GRM8: variants seen among roughly 807,000 people sequenced by gnomAD.
GRM8 encodes glutamate metabotropic receptor 8.
GRM8 carries 47 observed loss-of-function variants against 87.2 expected under a neutral mutation model. The ratio of observed to expected loss-of-function variants is 0.54; its 90% CI spans 0.43 to 0.69. The LOEUF (loss-of-function observed/expected upper bound fraction) is 0.69, where lower values mean the gene tolerates loss of function less well. GRM8 is among the 30% of genes least tolerant of loss of function. The probability of loss-of-function intolerance (pLI) is 0.00; values close to 1 mark genes in which losing one functional copy is unlikely to be tolerated. For missense variants in GRM8, 1,019 were observed against 1,139.2 expected (o/e 0.89, Z 1.52); for synonymous variants, 396 against 404.5 (o/e 0.98, Z 0.25).
chr7:126,730,647 C>T (rs1279566648), intron 7 of GRM8, among the ~76,000 whole-genome samples: 1 of 152,008 alleles, frequency 6.6e-6, no homozygotes, highest in Non-Finnish European at 1.5e-5. Context: ...AAGCCTGTCA[C>T]AAACATTTGA....
Position 127,150,276 on chromosome 7 carries a change from T to C in GRM8, c.511-43564A>G, listed in dbSNP as rs12671030. 2.6e-4 allele frequency among the ~76,000 whole-genome samples: 39 copies of C among 152,004 alleles called. No individual in the cohort carries two copies. In the East Asian group the frequency reaches 6.4e-3, roughly 25 times the overall value. The stretch of plus-strand genomic sequence containing the variant: ...CTCCTGGAAAACAATTGCTAATGAA[T>C]TGGTATTTGACAGCAGAGGCATTGC... On this transcript the variant is annotated intron_variant, in intron 2 of 10. Coordinates refer to ENST00000339582, the MANE Select transcript of GRM8 (RefSeq NM_000845.3).
chr7:126,640,129 CAA>C (rs1421151979), intron 7 of GRM8, among the ~76,000 whole-genome samples: 11 of 152,264 alleles, frequency 7.2e-5, no homozygotes, highest in African/African-American at 2.4e-4. Flanking sequence ...CCTAACTCAT[CAA>C]AAGAGTCCAT....
chr7:127,110,617 T>TA (rs56242958), intron 2 of GRM8, among the ~76,000 whole-genome samples: 15,893 of 151,798 alleles, frequency 0.1, 943 homozygotes, highest in African/African-American at 0.14. Flanking sequence ...CCTCTTTTTT[T>TA]AAAAAAAAAT....
chr7:126,788,420 A>AAAAAAAAACAAAAAAAAAAAAAC, intron 6 of GRM8, among the ~76,000 whole-genome samples: 2 of 81,136 alleles, frequency 2.5e-5, no homozygotes, highest in African/African-American at 9.2e-5. Flanking sequence ...AAAAAAAAAA[A>AAAAAAAAACAAAAAAAAAAAAAC]AAACCCTTTC....
chr7:126,866,281 T>C (rs983147708), intron 6 of GRM8, among the ~76,000 whole-genome samples: 9 of 152,200 alleles, frequency 5.9e-5, no homozygotes, highest in Admixed American at 2.0e-4. Flanking sequence ...TTGTCTTTTA[T>C]TGAGTTGTAA....
chr7:127,174,278 G>C (rs1027985893), intron 2 of GRM8, among the ~76,000 whole-genome samples: 2 of 152,186 alleles, frequency 1.3e-5, no homozygotes, highest in Admixed American at 6.5e-5. Flanking sequence ...GTGCATGGCA[G>C]CCATGCTAGG....
chr7:126,805,504 TA>T, intron 6 of GRM8, among the ~76,000 whole-genome samples: 1 of 152,342 alleles, frequency 6.6e-6, no homozygotes, highest in African/African-American at 2.4e-5. Context: ...CCAGTATTAC[TA>T]GAGGTTCCAC....
At chr7:127,097,411 T>A (rs17869422) in intron 3 of GRM8, among the ~76,000 whole-genome samples, 1 of 151,668 alleles carries the variant, frequency 6.6e-6, no homozygotes, top group Admixed American at 6.6e-5. Flanking sequence ...AGAGGGGAGG[T>A]GGTCAGGAGT....
chr7:126,695,731 T>C (rs1420019619), intron 7 of GRM8, among the ~76,000 whole-genome samples: 1 of 152,158 alleles, frequency 6.6e-6, no homozygotes, highest in Non-Finnish European at 1.5e-5. Context: ...TAAAAAGGTA[T>C]TGAAAGACTT....
At chr7:126,865,682 C>G (rs1051445208) in intron 6 of GRM8, among the ~76,000 whole-genome samples, 1 of 152,190 alleles carries the variant, frequency 6.6e-6, no homozygotes, top group African/African-American at 2.4e-5. Flanking sequence ...GGACTCATAA[C>G]AGGTGGTCCT....
At chr7:126,492,933 T>A (rs915772364) in intron 9 of GRM8, among the ~76,000 whole-genome samples, 1 of 152,054 alleles carries the variant, frequency 6.6e-6, no homozygotes, top group African/African-American at 2.4e-5. Context: ...TTATTTTTCC[T>A]AGGGTGAATG....
At chr7:127,179,735 T>A (rs1794327018) in intron 2 of GRM8, among the ~76,000 whole-genome samples, 2 of 152,148 alleles carry the variant, frequency 1.3e-5, no homozygotes, top group Non-Finnish European at 2.9e-5. Flanking sequence ...TTAAATAACC[T>A]GTTCCTGAAT....
At chr7:127,037,604 G>A (rs566318396) in intron 3 of GRM8, among the ~76,000 whole-genome samples, 1 of 152,320 alleles carries the variant, frequency 6.6e-6, no homozygotes, top group South Asian at 2.1e-4. Context: ...AGCCCAGGCT[G>A]CAAACCCCAA....
intron 3 of GRM8, among the ~76,000 whole-genome samples, chr7:127,056,369 T>G (rs11563755): frequency 0.08 from 12,107 of 152,212 alleles, 522 homozygotes; most frequent in South Asian, 0.13. Flanking sequence ...AGAAGCACAT[T>G]AAATCCAAAG....
At chr7:126,441,412 C>T (rs1183783181) in intron 10 of GRM8, among the ~76,000 whole-genome samples, 1 of 152,068 alleles carries the variant, frequency 6.6e-6, no homozygotes, top group Non-Finnish European at 1.5e-5. Flanking sequence ...CATGCCTAAG[C>T]TTCTGGAGAA....
chr7:127,021,011 T>C (rs1816210240), intron 3 of GRM8, among the ~76,000 whole-genome samples: 1 of 152,060 alleles, frequency 6.6e-6, no homozygotes, highest in African/African-American at 2.4e-5. Flanking sequence ...TGATGTGCAA[T>C]TGCCAACACT....
At chr7:126,473,928 G>A (rs1405389411) in intron 9 of GRM8, among the ~76,000 whole-genome samples, 1 of 152,084 alleles carries the variant, frequency 6.6e-6, no homozygotes, top group Non-Finnish European at 1.5e-5. Context: ...CTTCCACCAT[G>A]ATTGTGATGC....
chr7:126,733,484 C>T (rs1447587400), intron 7 of GRM8, among the ~76,000 whole-genome samples: 1 of 149,894 alleles, frequency 6.7e-6, no homozygotes, highest in African/African-American at 2.4e-5. Flanking sequence ...AAAAATAAAG[C>T]CCTGTAACTA....
intron 2 of GRM8, among the ~76,000 whole-genome samples, chr7:127,154,128 C>T (rs1423623046): frequency 6.6e-6 from 1 of 152,122 alleles, no homozygotes; most frequent in African/African-American, 2.4e-5. Flanking sequence ...GCTTGTCAAC[C>T]TGGAGTTTGG....
Sources: gnomAD v4.1 joint callset for allele counts (sites outside exome capture counted in the v4.1 genomes callset) on GRCh38, gnomAD v4.1.1 for gene constraint, MANE v1.5 for transcripts, NCBI Gene and HGNC (gene_info 2026-07-23, HGNC 2026-07-21) for gene names.